The following NIBAN1 variants were observed in gnomAD, a reference collection of about 807,000 sequenced individuals.
NIBAN1 encodes niban apoptosis regulator 1, also known as protein Niban 1.
Under a neutral mutation model 75.1 loss-of-function variants are expected in NIBAN1, and 81 were observed. The ratio of observed to expected loss-of-function variants is 1.08; its 90% confidence interval spans 0.90 to 1.30. NIBAN1 has a LOEUF of 1.30. NIBAN1 is among the 50% of genes most tolerant of loss of function. The probability of loss-of-function intolerance (pLI) is 0.00; values close to 1 mark genes in which losing one functional copy is unlikely to be tolerated. For synonymous variants in NIBAN1, 436 were observed against 424.8 expected, an observed-to-expected ratio of 1.03 and a Z score of -0.32; for missense variants, 1,133 against 1,128.1, an observed-to-expected ratio of 1.00 and a Z score of -0.06.
At chr1:184,960,911 T>C (rs1658618873) in intron 1 of NIBAN1, among the ~76,000 whole-genome samples, 4 of 151,914 alleles carry the variant, frequency 2.6e-5, no homozygotes, top group African/African-American at 9.7e-5. Flanking sequence ...ATTACAGGCG[T>C]AAGCCACCAC....
At chr1:184,806,690 C>A (rs1417787223) in intron 10 of NIBAN1, among the ~76,000 whole-genome samples, 1 of 151,964 alleles carries the variant, frequency 6.6e-6, no homozygotes, top group African/African-American at 2.4e-5. Flanking sequence ...TTAATCCTGC[C>A]CATAACCTTT....
Position 184,912,492 on chromosome 1 carries a change from T to A in NIBAN1, c.56-13183A>T, listed in dbSNP as rs184030812. On this transcript the variant is annotated intron_variant, in intron 1 of 13. Coordinates refer to ENST00000367511, the MANE Select transcript of NIBAN1 (RefSeq NM_052966.4). ...GGTATAAGAGTTACCTCCTCCCACA[T>A]CCTCAGGAATTCTCGGTACTGTCCC... Among the ~76,000 whole-genome samples, 30 of 152,242 alleles carry A rather than the reference T, an allele frequency of 2.0e-4. No homozygotes were observed. In the East Asian group the frequency reaches 5.2e-3, roughly 26 times the overall value.
At chr1:184,813,924 C>T (rs532714412) in intron 9 of NIBAN1, among the ~76,000 whole-genome samples, 32 of 152,074 alleles carry the variant, frequency 2.1e-4, no homozygotes, top group South Asian at 1.7e-3. Context: ...AAGGTTTTTA[C>T]CAAAAGTAAA....
At chr1:184,913,179 TGC>T in intron 1 of NIBAN1, among the ~76,000 whole-genome samples, 1 of 83,772 alleles carries the variant, frequency 1.2e-5, no homozygotes, top group South Asian at 4.1e-4. Context: ...TTTCATACCA[TGC>T]AGGTATATAT....
At chr1:184,846,038 G>C (rs1383637587) in intron 5 of NIBAN1, among the ~76,000 whole-genome samples, 1 of 87,040 alleles carries the variant, frequency 1.1e-5, no homozygotes, top group East Asian at 2.5e-4. Context: ...GCGGCAGCGA[G>C]GCTGGGGGAG....
chr1:184,944,917 C>T (rs1014600250), intron 1 of NIBAN1, among the ~76,000 whole-genome samples: 3 of 152,110 alleles, frequency 2.0e-5, no homozygotes, highest in Non-Finnish European at 4.4e-5. Context: ...AAGAAATACC[C>T]CTCACCTGTG....
chr1:184,832,678 G>T (rs1655030716), intron 5 of NIBAN1, among the ~76,000 whole-genome samples: 1 of 152,112 alleles, frequency 6.6e-6, no homozygotes, highest in South Asian at 2.1e-4. Flanking sequence ...ATGCTATATT[G>T]TCTTACATAC....
chr1:184,973,945 CT>C (rs2102100283), intron 1 of NIBAN1, among the ~76,000 whole-genome samples: 1 of 152,348 alleles, frequency 6.6e-6, no homozygotes, highest in Non-Finnish European at 1.5e-5. Context: ...CCGCTGCTCT[CT>C]TGGCGGCCAG....
chr1:184,881,574 A>G (rs1656380487), intron 5 of NIBAN1, among the ~76,000 whole-genome samples: 1 of 152,216 alleles, frequency 6.6e-6, no homozygotes. Context: ...TGCACAGTGC[A>G]AAGGGAAAGC....
chr1:184,820,803 C>T (rs970680202), intron 8 of NIBAN1, among the ~76,000 whole-genome samples: 5 of 152,182 alleles, frequency 3.3e-5, no homozygotes, highest in Non-Finnish European at 7.4e-5. Flanking sequence ...TCAGTATTAT[C>T]ATCTGTAAAA....
chr1:184,890,338 T>C (rs1656635313), intron 3 of NIBAN1, 116 bp from the exon 4 acceptor site: 2 of 716,024 alleles, frequency 2.8e-6, no homozygotes, highest in African/African-American at 3.5e-5. Flanking sequence ...ATCCCCATAC[T>C]ATGTTATTGA....
intron 6 of NIBAN1, among the ~76,000 whole-genome samples, chr1:184,830,039 T>C (rs1654954238): frequency 6.6e-6 from 1 of 152,226 alleles, no homozygotes; most frequent in South Asian, 2.1e-4. Context: ...TCTGGGTCAC[T>C]AGCCCCCAGC....
At chr1:184,844,803 C>A (rs765380071) in intron 5 of NIBAN1, among the ~76,000 whole-genome samples, 16 of 152,204 alleles carry the variant, frequency 1.1e-4, no homozygotes, top group Admixed American at 5.9e-4. Context: ...GATCCATTTT[C>A]TTCCTAAGAA....
In NIBAN1 at chr1:184,974,287, G is replaced by A. The variant is rs1303272062; in HGVS notation, c.55+15C>T. On this transcript the variant is annotated intron_variant, in intron 1 of 13. Coordinates refer to ENST00000367511, the MANE Select transcript of NIBAN1 (RefSeq NM_052966.4). ...GGTCAGGGTGCTCCCCAGGCCCCCG[G>A]GCGGGCGGGCGTACCTCGGATGTAA... is the stretch of plus-strand genomic sequence containing the variant. The A allele has an allele frequency of 1.3e-6, 2 of 1,551,434 alleles. No individual in the cohort carries two copies. The highest frequency in any genetic ancestry group is 1.7e-6 in the Non-Finnish European group (2 of 1,155,970).
intron 12 of NIBAN1, among the ~76,000 whole-genome samples, chr1:184,803,346 T>A (rs1168799445): frequency 6.6e-6 from 1 of 152,230 alleles, no homozygotes; most frequent in Non-Finnish European, 1.5e-5. Context: ...TTTTTGCAAA[T>A]AAAGTCTGTT....
rs1430569375 is a variant in NIBAN1, at chr1:184,846,315, C to A, written c.602-14353G>T. ...CTGCCTCCTCAAGTGGGTCCCTGACCCCTGACCCCCGAGCAGCCTAACTGG... is the reference window on the plus strand; with the variant it reads ...CTGCCTCCTCAAGTGGGTCCCTGACACCTGACCCCCGAGCAGCCTAACTGG... On this transcript the variant is annotated intron_variant, in intron 5 of 13. Transcript: ENST00000367511. 8.5e-4 allele frequency among the ~76,000 whole-genome samples: 10 copies of A among 11,752 alleles called. 2 individuals are homozygous for A. The highest frequency in any genetic ancestry group is 1.5e-3 in the Non-Finnish European group (9 of 5,954). 7.7% of individuals were successfully genotyped at this position (11,752 alleles called of 152,430 possible). A position where few individuals can be genotyped will look rare whatever the true frequency, so the allele number is the denominator to read the frequency against.
At chr1:184,865,838 GA>G (rs968073377) in intron 5 of NIBAN1, among the ~76,000 whole-genome samples, 35 of 152,024 alleles carry the variant, frequency 2.3e-4, no homozygotes, top group African/African-American at 7.5e-4. Flanking sequence ...AGGAGCATGA[GA>G]AAAAAAGTTG....
At chr1:184,924,190 T>C (rs1557916458) in intron 1 of NIBAN1, among the ~76,000 whole-genome samples, 1 of 152,046 alleles carries the variant, frequency 6.6e-6, no homozygotes, top group Non-Finnish European at 1.5e-5. Context: ...ACCTGTCATA[T>C]ATGGCTTTTA....
At chr1:184,933,214 C>A (rs1369859880) in intron 1 of NIBAN1, among the ~76,000 whole-genome samples, 1 of 152,226 alleles carries the variant, frequency 6.6e-6, no homozygotes, top group Non-Finnish European at 1.5e-5. Flanking sequence ...GCTGCAGTGC[C>A]CTTTCTCAAA....
Sources: gnomAD v4.1 joint callset for allele counts (sites outside exome capture counted in the v4.1 genomes callset) on GRCh38, gnomAD v4.1.1 for gene constraint, MANE v1.5 for transcripts, NCBI Gene and HGNC (gene_info 2026-07-23, HGNC 2026-07-21) for gene names.